Variants in C2CD5 observed in about 807,000 individuals in gnomAD.
C2CD5 encodes C2 domain-containing protein 5.
A neutral mutation model predicts 130.3 loss-of-function variants in C2CD5; 109 were observed. That is an observed-to-expected ratio of 0.84 (90% CI 0.72 to 0.98). The LOEUF is 0.98. Among genes scored for constraint, C2CD5 ranks in the 50% least tolerant of loss-of-function variants. The pLI is 0.00. For missense variants in C2CD5, 996 were observed against 1,261.8 expected (o/e 0.79, Z 3.19); for synonymous variants, 454 against 429.2 (o/e 1.06, Z -0.71).
Position 22,509,926 on chromosome 12 carries a change from C to T in C2CD5, c.1039-3107G>A, listed in dbSNP as rs369380240. Among the ~76,000 whole-genome samples, 11 of 152,124 alleles carry T rather than the reference C, an allele frequency of 7.2e-5. No individual in the cohort carries two copies. The South Asian group carries it at 1.2e-3, about 17-fold the overall frequency. ...TTCTGTTTAAAAGAATAGCTTCTGC[C>T]GGGCACAGTGGCTCACGCCTGTAAT... On this transcript the variant is annotated intron_variant, in intron 9 of 26. Coordinates refer to ENST00000446597, the MANE Select transcript of C2CD5 (RefSeq NM_001286176.2).
chr12:22,481,442 A>G (rs1191599179), intron 14 of C2CD5, among the ~76,000 whole-genome samples: 1 of 152,146 alleles, frequency 6.6e-6, no homozygotes, highest in Non-Finnish European at 1.5e-5. Flanking sequence ...GAATTTCCAT[A>G]AACGTGGTTC....
intron 26 of C2CD5, among the ~76,000 whole-genome samples, chr12:22,452,181 A>G (rs1331155487): frequency 6.6e-6 from 1 of 152,220 alleles, no homozygotes; most frequent in Non-Finnish European, 1.5e-5. Flanking sequence ...AAATCCTCTT[A>G]TATCAAATAA....
intron 2 of C2CD5, among the ~76,000 whole-genome samples, chr12:22,536,771 A>G (rs1234343095): frequency 6.6e-6 from 1 of 152,170 alleles, no homozygotes; most frequent in African/African-American, 2.4e-5. Context: ...GTGTAAGAAG[A>G]AAGTAAGGGG....
At chr12:22,479,492 A>G (rs1479022954) in intron 14 of C2CD5, among the ~76,000 whole-genome samples, 4 of 152,188 alleles carry the variant, frequency 2.6e-5, no homozygotes, top group Non-Finnish European at 5.9e-5. Flanking sequence ...AAAGGTGGCA[A>G]AAGTGAAGAG....
At chr12:22,476,156 C>T (rs1463738493) in intron 15 of C2CD5, among the ~76,000 whole-genome samples, 1 of 152,058 alleles carries the variant, frequency 6.6e-6, no homozygotes, top group African/African-American at 2.4e-5. Flanking sequence ...AGTGGTACTA[C>T]ACCTTTGTAT....
intron 15 of C2CD5, chr12:22,477,417 T>G (rs1943999930): frequency 6.6e-6 from 1 of 152,154 alleles, no homozygotes; most frequent in East Asian, 1.9e-4. Flanking sequence ...AAGCTATACA[T>G]GTGACGCAAC....
chr12:22,512,111 T>C (rs1017327675), intron 9 of C2CD5, among the ~76,000 whole-genome samples: 4 of 152,200 alleles, frequency 2.6e-5, no homozygotes, highest in Non-Finnish European at 4.4e-5. Flanking sequence ...TAACTGCTGC[T>C]TGATAGAGCA....
intron 3 of C2CD5, among the ~76,000 whole-genome samples, chr12:22,531,951 G>A (rs558783335): frequency 3.3e-5 from 5 of 152,172 alleles, no homozygotes; most frequent in African/African-American, 4.8e-5. Context: ...ATACATTAAC[G>A]AAAGAACAGA....
At chr12:22,478,128 G>T in intron 15 of C2CD5, 185 bp downstream of exon 15, 1 of 568,296 alleles carries the variant, frequency 1.8e-6, no homozygotes, top group Non-Finnish European at 3.1e-6. Flanking sequence ...TTTTTAAATA[G>T]GATCGTTAGA....
rs767851185 is a variant in C2CD5 at position 22,523,666 on chromosome 12, CATTACATACT to C, written c.602-52_602-43del. ...ATCTCATTCTTGCTTTGTAGCTTTA[CATTACATACT>C]ATAAGACTGGACATGGTAGTGGTAA... On this transcript the variant is annotated intron_variant, in intron 6 of 26. Coordinates refer to ENST00000446597, the MANE Select transcript of C2CD5 (RefSeq NM_001286176.2). 15 of 1,395,738 alleles carry C rather than the reference CATTACATACT, an allele frequency of 1.1e-5. 1 individual carries two copies. In the South Asian group the frequency reaches 1.7e-4, roughly 16 times the overall value. 86.5% of individuals were successfully genotyped at this position (1,395,738 alleles called of 1,614,324 possible).
Position 22,448,789 on chromosome 12 carries a change from GAA to G in C2CD5, c.*969_*970del, listed in dbSNP as rs1309595525. The G allele has an allele frequency of 6.6e-6, 1 of 152,524 alleles. No homozygotes were observed. Among genetic ancestry groups the G allele is most frequent in the East Asian group, 1.9e-4 (1 of 5,184 alleles). 9.4% of individuals were successfully genotyped at this position (152,524 alleles called of 1,614,324 possible). On this transcript the variant is annotated 3_prime_UTR_variant, in exon 27 of 27. Coordinates refer to ENST00000446597, the MANE Select transcript of C2CD5 (RefSeq NM_001286176.2). ...TTACAACGGGCATTTGGCGTCGACAGAAAAAGTCTTTCTATGTATACATTCAA... is the reference window on the plus strand; with the variant it reads ...TTACAACGGGCATTTGGCGTCGACAGAAAGTCTTTCTATGTATACATTCAA...
At chr12:22,481,027 A>T (rs1046875545) in intron 14 of C2CD5, among the ~76,000 whole-genome samples, 11 of 151,740 alleles carry the variant, frequency 7.2e-5, no homozygotes, top group Non-Finnish European at 1.2e-4. Flanking sequence ...CTGGTCTCAG[A>T]CTCCTGGGCT....
At chr12:22,483,802 G>C (rs943544548) in intron 13 of C2CD5, among the ~76,000 whole-genome samples, 2 of 152,070 alleles carry the variant, frequency 1.3e-5, no homozygotes, top group African/African-American at 4.8e-5. Context: ...GATAGAGAAA[G>C]GTACCATTCA....
At chr12:22,523,658 T>C (rs894996191) in intron 6 of C2CD5, 34 bp from the exon 7 acceptor site, 36 of 1,526,340 alleles carry the variant, frequency 2.4e-5, no homozygotes, top group Non-Finnish European at 2.7e-5. Context: ...TCTTGCTTTG[T>C]AGCTTTACAT....
chr12:22,529,034 T>C (rs897656761), intron 3 of C2CD5, among the ~76,000 whole-genome samples: 1 of 152,094 alleles, frequency 6.6e-6, no homozygotes, highest in African/African-American at 2.4e-5. Flanking sequence ...ACAGATGAAA[T>C]CATATAACAT....
Position 22,470,889 on chromosome 12 carries a change from A to T in C2CD5, c.2381T>A (p.Ile794Asn). 1 of 1,612,150 alleles carries T rather than the reference A, an allele frequency of 6.2e-7. No individual in the cohort carries two copies. The highest frequency in any genetic ancestry group is 8.5e-7 in the Non-Finnish European group (1 of 1,178,492). The change falls in exon 21 of 27, where the codon ATC becomes AAC. Residue 794 changes from isoleucine (I) to asparagine (N), a missense_variant. By Grantham distance (149) the Ile-to-Asn change is moderately radical. This residue lies in a region of C2CD5 where 590 missense variants were observed against 631.4 expected (regional missense o/e 0.93). Transcript: ENST00000446597. Reference protein sequence around the residue: ...LIQVTVTAVAITFDKNQALQT... With the variant: ...LIQVTVTAVANTFDKNQALQT... ...TAAAGCCTGATTTTTGTCAAAAGTGATTGCGACTGCCGTGACTGTAACCTA... is the reference window on the plus strand; with the variant it reads ...TAAAGCCTGATTTTTGTCAAAAGTGTTTGCGACTGCCGTGACTGTAACCTA...
At chr12:22,536,905 G>T (rs1365554549) in intron 2 of C2CD5, among the ~76,000 whole-genome samples, 1 of 151,942 alleles carries the variant, frequency 6.6e-6, no homozygotes, top group Admixed American at 6.6e-5. Context: ...GAAGAATAGA[G>T]GTTCTTGTTT....
chr12:22,491,908 T>G (rs1240802507), intron 11 of C2CD5, among the ~76,000 whole-genome samples: 1 of 151,248 alleles, frequency 6.6e-6, no homozygotes, highest in Non-Finnish European at 1.5e-5. Context: ...ACAAAAAACA[T>G]TTTTCTAAGG....
chr12:22,483,620 G>A (rs879282366), intron 13 of C2CD5, among the ~76,000 whole-genome samples: 10 of 152,022 alleles, frequency 6.6e-5, no homozygotes, highest in Admixed American at 2.6e-4. Flanking sequence ...GTACATTTAA[G>A]GCAAAAGGAA....
Sources: gnomAD v4.1 joint callset for allele counts (sites outside exome capture counted in the v4.1 genomes callset) on GRCh38, gnomAD v4.1.1 for gene constraint, gnomAD v4.1.1 regional missense constraint, MANE v1.5 for transcripts, NCBI Gene and HGNC (gene_info 2026-07-23, HGNC 2026-07-21) for gene names.